COG3: variants seen among roughly 807,000 people sequenced by gnomAD.
COG3 encodes the protein conserved oligomeric Golgi complex subunit 3.
COG3 carries 32 observed loss-of-function variants against 114.1 expected under a neutral mutation model. The observed-to-expected ratio is 0.28, with a 90% CI of 0.21 to 0.38. COG3 has a LOEUF of 0.38. COG3 is among the 10% of genes least tolerant of loss of function. The pLI, the probability that COG3 is intolerant of heterozygous loss-of-function variation, is 1.00. For missense variants in COG3, 813 were observed against 973.2 expected (o/e 0.84, Z 2.19); for synonymous variants, 352 against 365.7 (o/e 0.96, Z 0.43).
At chr13:45,530,426 G>A (rs1235329540) in intron 21 of COG3, among the ~76,000 whole-genome samples, 1 of 152,156 alleles carries the variant, frequency 6.6e-6, no homozygotes, top group Non-Finnish European at 1.5e-5. Context: ...AGAAATTGCT[G>A]CAGAAGACCC....
Position 45,493,360 on chromosome 13 carries a change from A to G in COG3, c.1201A>G (p.Lys401Glu). Residue 401 changes from lysine (K) to glutamate (E), a missense_variant, in exon 12 of 23, where the codon AAA becomes GAA. This residue lies in a region of COG3 where 389 missense variants were observed against 542.6 expected (regional missense o/e 0.72). Coordinates refer to ENST00000349995, the MANE Select transcript of COG3 (RefSeq NM_031431.4). ...PTSKLDELLE[K>E]LCVSLYDVFR... Reference sequence around the variant, plus strand: ...CTTTCATTTTAGTGAGCTTTTGGAGAAACTGTGTGTGTCATTGTATGATGT... The same window carrying G: ...CTTTCATTTTAGTGAGCTTTTGGAGGAACTGTGTGTGTCATTGTATGATGT... 6.2e-7 allele frequency: 1 copy of G among 1,610,546 alleles called. No homozygotes were observed. Among genetic ancestry groups the G allele is most frequent in the Non-Finnish European group, 8.5e-7 (1 of 1,178,184 alleles).
intron 8 of COG3, 34 bp downstream of exon 8, chr13:45,486,609 G>T: frequency 1.5e-6 from 2 of 1,319,678 alleles, no homozygotes; most frequent in Non-Finnish European, 1.1e-6. Context: ...ACATTGCTAT[G>T]AAATTTGTTC....
chr13:45,477,631 C>CTTTT (rs11408688), intron 2 of COG3, among the ~76,000 whole-genome samples: 1 of 142,986 alleles, frequency 7.0e-6, no homozygotes, highest in African/African-American at 2.6e-5. Context: ...TCCATATTCT[C>CTTTT]TTTTTTTTTT....
At position 45,530,785 on chromosome 13, in the gene COG3, T is replaced by C. The variant is rs565428650; in HGVS notation, c.2457+5T>C. The C allele has an allele frequency of 1.9e-6, 3 of 1,609,130 alleles. No homozygotes were observed. Among genetic ancestry groups the C allele is most frequent in the East Asian group, 4.5e-5 (2 of 44,822 alleles). On this transcript the variant is annotated splice_donor_5th_base_variant and intron_variant, in intron 22 of 22. Coordinates refer to ENST00000349995, the MANE Select transcript of COG3 (RefSeq NM_031431.4). ...GCCTGTCCATCTATGGAACAGGTAA[T>C]GGGTAGACTGAAGATCCTTATTACT...
intron 13 of COG3, among the ~76,000 whole-genome samples, chr13:45,502,806 G>A (rs559724570): frequency 6.6e-6 from 1 of 152,198 alleles, no homozygotes; most frequent in South Asian, 2.1e-4. Context: ...AATTCCCAAA[G>A]TCCATTGTCT....
chr13:45,534,312 T>A (rs569082972), intron 22 of COG3, among the ~76,000 whole-genome samples: 2 of 152,172 alleles, frequency 1.3e-5, no homozygotes, highest in Non-Finnish European at 1.5e-5. Context: ...GGATTTTAAG[T>A]GATTTGATGG....
intron 8 of COG3, among the ~76,000 whole-genome samples, chr13:45,488,079 C>T (rs909298003): frequency 2.6e-5 from 4 of 152,054 alleles, no homozygotes; most frequent in Admixed American, 6.5e-5. Context: ...TTTGCAGCAA[C>T]GTGAATGGAA....
intron 7 of COG3, among the ~76,000 whole-genome samples, 170 bp from the exon 8 acceptor site, chr13:45,486,325 C>CGGGAGACGGGAGACGGGAGACGGGAGA (rs1886654724): frequency 3.6e-5 from 1 of 27,934 alleles, no homozygotes; most frequent in Non-Finnish European, 7.0e-5. Flanking sequence ...AGACGGGAGA[C>CGGGAGACGGGAGACGGGAGACGGGAGA]GGGAGACGGG....
At position 45,484,772 on chromosome 13, in the gene COG3, G is replaced by A. The variant is rs1193042816; in HGVS notation, c.843+1417G>A. ...GCCTTCCGCAGTGTTTGTGTCCCTG[G>A]TTACTTGAGATTAGGGATTGGTGAT... On this transcript the variant is annotated intron_variant, in intron 7 of 22. Transcript: ENST00000349995. 9.8e-5 allele frequency among the ~76,000 whole-genome samples: 14 copies of A among 143,012 alleles called. No homozygotes were observed. The East Asian group carries it at 2.2e-3, about 22-fold the overall frequency. 93.8% of individuals were successfully genotyped at this position (143,012 alleles called of 152,430 possible).
At chr13:45,480,571 T>G (rs927697523) in intron 4 of COG3, among the ~76,000 whole-genome samples, 4 of 152,122 alleles carry the variant, frequency 2.6e-5, no homozygotes, top group Non-Finnish European at 5.9e-5. Flanking sequence ...TTACTGACAC[T>G]TTTATTTTTT....
intron 13 of COG3, among the ~76,000 whole-genome samples, chr13:45,498,280 A>G (rs955009491): frequency 5.9e-5 from 9 of 151,892 alleles, no homozygotes; most frequent in Non-Finnish European, 1.2e-4. Flanking sequence ...TTTGTATTTA[A>G]GGAAATTAAC....
intron 5 of COG3, among the ~76,000 whole-genome samples, chr13:45,481,624 C>T (rs1445869040): frequency 1.3e-5 from 2 of 152,096 alleles, no homozygotes. Context: ...TGTGGTTATG[C>T]TACCATGATA....
chr13:45,476,089 A>G (rs1489545288), intron 1 of COG3, 112 bp from the exon 2 acceptor site: 4 of 951,402 alleles, frequency 4.2e-6, no homozygotes, highest in Non-Finnish European at 6.5e-6. Flanking sequence ...ATGTGATTTA[A>G]TGGAAAATAT....
chr13:45,472,932 C>T (rs1885614110), intron 1 of COG3, among the ~76,000 whole-genome samples: 2 of 152,126 alleles, frequency 1.3e-5, no homozygotes, highest in Non-Finnish European at 2.9e-5. Context: ...TGCAGTGGTG[C>T]AATCATAGCT....
chr13:45,530,818 C>A, intron 22 of COG3, 38 bp downstream of exon 22: 1 of 1,589,014 alleles, frequency 6.3e-7, no homozygotes, highest in South Asian at 1.1e-5. Context: ...ACTTTTATGC[C>A]CTCTTGGTTA....
chr13:45,534,521 C>G, intron 22 of COG3, 181 bp from the exon 23 acceptor site: 2 of 414,752 alleles, frequency 4.8e-6, no homozygotes, highest in Non-Finnish European at 4.3e-6. Context: ...ATTCTAATTG[C>G]TTTATTTTAT....
In COG3 at chr13:45,518,811, G is replaced by A. The variant is rs1300042351; in HGVS notation, c.1980G>A (p.Arg660=). 2 of 1,614,010 alleles carry A rather than the reference G, an allele frequency of 1.2e-6. No homozygotes were observed. The highest frequency in any genetic ancestry group is 2.7e-5 in the African/African-American group (2 of 75,030). ...LNPMTVPRFF[R]LNSNNALIEF... is the part of the protein sequence containing the mutation. ...CTATGACTGTCCCAAGATTTTTTAG[G>A]CTGAATAGCAACAATGCCTTGATAG... The change falls in exon 18 of 23, where the codon AGG becomes AGA. Residue 660 remains arginine, a synonymous_variant. Coordinates refer to ENST00000349995, the MANE Select transcript of COG3 (RefSeq NM_031431.4).
intron 14 of COG3, among the ~76,000 whole-genome samples, chr13:45,508,934 T>C (rs553694100): frequency 2.0e-5 from 3 of 152,156 alleles, no homozygotes; most frequent in Non-Finnish European, 4.4e-5. Context: ...CAGGTGAACC[T>C]AATTTGATTA....
At chr13:45,489,819 ATT>A (rs66501920) in intron 8 of COG3, among the ~76,000 whole-genome samples, 5,197 of 146,176 alleles carry the variant, frequency 0.036, 260 homozygotes, top group African/African-American at 0.11. Context: ...ATTCCAATGG[ATT>A]TTTTTTTTTT....
Sources: gnomAD v4.1 joint callset for allele counts (sites outside exome capture counted in the v4.1 genomes callset) on GRCh38, gnomAD v4.1.1 for gene constraint, gnomAD v4.1.1 regional missense constraint, MANE v1.5 for transcripts, NCBI Gene and HGNC (gene_info 2026-07-23, HGNC 2026-07-21) for gene names.